The following DAAM2 variants were observed in gnomAD, a reference collection of about 807,000 sequenced individuals.
DAAM2 encodes dishevelled associated activator of morphogenesis 2.
Under a neutral mutation model 120.7 loss-of-function variants are expected in DAAM2, and 39 were observed. The ratio of observed to expected loss-of-function variants is 0.32; its 90% CI spans 0.25 to 0.42. The LOEUF is 0.42. Ranked by LOEUF, DAAM2 falls within the 10% of genes least tolerant of loss-of-function variation. The probability of loss-of-function intolerance (pLI) is 1.00; values close to 1 mark genes in which losing one functional copy is unlikely to be tolerated. For synonymous variants in DAAM2, 488 were observed against 524.9 expected (o/e 0.93, Z 0.96); for missense variants, 1,283 against 1,401.7 (o/e 0.92, Z 1.35).
At position 39,879,299 on chromosome 6, in the gene DAAM2, C is replaced by CCCCCCCCCCCCCTTCCCCCCGGGGG; in HGVS notation, c.1667_1668insCCCCCCCCCCCCTTCCCCCCGGGGG (p.Leu560ProfsTer39). 1 of 1,495,696 alleles carries CCCCCCCCCCCCCTTCCCCCCGGGGG rather than the reference C, an allele frequency of 6.7e-7. No homozygotes were observed. The allele number at this position is 1,495,696 out of a possible 1,614,324, so 92.7% of individuals were successfully genotyped here. On this transcript the variant is annotated frameshift_variant, in exon 14 of 25. Coordinates refer to ENST00000274867, the MANE Select transcript of DAAM2 (RefSeq NM_001201427.2). LOFTEE classifies it high-confidence loss of function. ...CCCTTTGCCTGTTGTCCCCCTCCCC[C>CCCCCCCCCCCCCTTCCCCCCGGGGG]ACCACCACCCCTTCCTCCCGGGGGA...
intron 1 of DAAM2, among the ~76,000 whole-genome samples, chr6:39,844,782 A>G (rs147330777): frequency 4.1e-4 from 63 of 152,140 alleles, no homozygotes; most frequent in Admixed American, 1.6e-3. Context: ...CTGCTCATAT[A>G]CTTTGGGGAG....
chr6:39,884,006 G>A lies in DAAM2; in HGVS notation c.1890G>A (p.Gln630=). The A allele has an allele frequency of 6.2e-7, 1 of 1,613,672 alleles. No individual in the cohort carries two copies. Among genetic ancestry groups the A allele is most frequent in the Non-Finnish European group, 8.5e-7 (1 of 1,179,682 alleles). ...TATGGAATGAGATTGATGACATGCA[G>A]GTATTTCGGATCCTGGACCTAGAGG... ...GTVWNEIDDM[Q]VFRILDLEDF... Residue 630 remains glutamine, a synonymous_variant, in exon 15 of 25, where the codon CAG becomes CAA. Coordinates refer to ENST00000274867, the MANE Select transcript of DAAM2 (RefSeq NM_001201427.2).
intron 19 of DAAM2, among the ~76,000 whole-genome samples, chr6:39,895,227 C>CTTACTTATTTAT (rs375299409): frequency 0.022 from 3,063 of 137,692 alleles, 97 homozygotes; most frequent in African/African-American, 0.086. Context: ...ACTTTATTTA[C>CTTACTTATTTAT]TTATTTATTT....
At chr6:39,893,891 G>A (rs1010115946) in intron 19 of DAAM2, among the ~76,000 whole-genome samples, 7 of 152,168 alleles carry the variant, frequency 4.6e-5, no homozygotes, top group Admixed American at 1.3e-4. Flanking sequence ...ATCCCAGCTA[G>A]GTGTGATGAG....
chr6:39,840,470 T>G (rs1763282909), intron 1 of DAAM2, among the ~76,000 whole-genome samples: 1 of 152,188 alleles, frequency 6.6e-6, no homozygotes, highest in Non-Finnish European at 1.5e-5. Context: ...TAAAGATGCT[T>G]CTCTGTCTTT....
intron 11 of DAAM2, among the ~76,000 whole-genome samples, chr6:39,877,689 C>T (rs1482362717): frequency 2.0e-5 from 3 of 152,216 alleles, no homozygotes. Context: ...AAGAGCTTGG[C>T]ATGAACAAGG....
intron 1 of DAAM2, among the ~76,000 whole-genome samples, chr6:39,801,838 C>T (rs1245587093): frequency 6.6e-6 from 1 of 152,212 alleles, no homozygotes. Flanking sequence ...TTCCTTGTTT[C>T]CTCCCAGACA....
intron 21 of DAAM2, 46 bp from the exon 22 acceptor site, chr6:39,898,831 C>T (rs745437339): frequency 9.2e-6 from 14 of 1,523,016 alleles, no homozygotes; most frequent in East Asian, 4.6e-5. Context: ...CACCTCAAGG[C>T]GGGAGTTGAT....
At chr6:39,858,077 G>C (rs1461325068) in intron 2 of DAAM2, among the ~76,000 whole-genome samples, 1 of 152,002 alleles carries the variant, frequency 6.6e-6, no homozygotes, top group Non-Finnish European at 1.5e-5. Flanking sequence ...TGAGGTTCAG[G>C]ACAATGACAG....
At chr6:39,811,332 C>T (rs1397775870) in intron 1 of DAAM2, among the ~76,000 whole-genome samples, 1 of 152,108 alleles carries the variant, frequency 6.6e-6, no homozygotes, top group Non-Finnish European at 1.5e-5. Context: ...CTCTCTCTGC[C>T]TCCGCCATTG....
At chr6:39,816,258 A>G (rs561117961) in intron 1 of DAAM2, among the ~76,000 whole-genome samples, 1 of 152,334 alleles carries the variant, frequency 6.6e-6, no homozygotes, top group South Asian at 2.1e-4. Flanking sequence ...GAGGTCCCAC[A>G]GTTTGACTGC....
rs1323533612 is a variant in DAAM2 at position 39,878,267 on chromosome 6, G to A, written c.1360+6G>A. On this transcript the variant is annotated splice_donor_region_variant and intron_variant, in intron 12 of 24. Transcript: ENST00000274867. This position sits in a 1 kb window ranked among gnomAD's most constrained non-coding sequence, Gnocchi z 5.0. ...GGCAGAGAAGTTCCGGAAAGGTGAG[G>A]GGCTCTGCTTAAGCCTGCTGTCCAC... The A allele has an allele frequency of 6.2e-7, 1 of 1,613,798 alleles. No homozygotes were observed. The highest frequency in any genetic ancestry group is 1.3e-5 in the African/African-American group (1 of 74,916).
chr6:39,847,968 G>C (rs961176399), intron 1 of DAAM2, among the ~76,000 whole-genome samples: 1 of 152,220 alleles, frequency 6.6e-6, no homozygotes, highest in East Asian at 1.9e-4. Flanking sequence ...GGTTCCCACT[G>C]CACCTTTTTG....
At chr6:39,898,299 C>G (rs917762562) in intron 21 of DAAM2, among the ~76,000 whole-genome samples, 33 of 152,236 alleles carry the variant, frequency 2.2e-4, no homozygotes, top group African/African-American at 7.0e-4. Context: ...GAATAACTCT[C>G]TGGCCACAGG....
Position 39,891,324 on chromosome 6 carries a change from G to A in DAAM2, c.2146-17G>A. The stretch of plus-strand genomic sequence containing the variant: ...TGCTCACCAGTTGCTTGTGTGACTT[G>A]CGCCTGCTCTTTGCAGCTCCTCAAG... On this transcript the variant is annotated splice_polypyrimidine_tract_variant and intron_variant, in intron 17 of 24. Transcript: ENST00000274867. The A allele has an allele frequency of 6.3e-7, 1 of 1,577,748 alleles. No homozygotes were observed. Among genetic ancestry groups the A allele is most frequent in the Admixed American group, 1.8e-5 (1 of 56,218 alleles).
intron 1 of DAAM2, among the ~76,000 whole-genome samples, chr6:39,797,642 T>G (rs1761739353): frequency 6.6e-6 from 1 of 152,176 alleles, no homozygotes; most frequent in African/African-American, 2.4e-5. Context: ...TTCTGTAAGC[T>G]TCCCAGGTGA....
At chr6:39,823,307 C>G (rs79135760) in intron 1 of DAAM2, 2 of 152,204 alleles carry the variant, frequency 1.3e-5, no homozygotes, top group Non-Finnish European at 2.9e-5. Flanking sequence ...ACATCCTCCT[C>G]TCCTGGGGGG....
chr6:39,894,701 A>G (rs1426841304), intron 19 of DAAM2, among the ~76,000 whole-genome samples: 1 of 148,136 alleles, frequency 6.8e-6, no homozygotes, highest in Non-Finnish European at 1.5e-5. Flanking sequence ...GCTCACTGCA[A>G]CCTCTGCCTC....
chr6:39,840,527 T>C (rs556918132), intron 1 of DAAM2, among the ~76,000 whole-genome samples: 1 of 152,250 alleles, frequency 6.6e-6, no homozygotes, highest in South Asian at 2.1e-4. Flanking sequence ...AGGTTAGTTG[T>C]AGGGGAAGTT....
Sources: allele counts gnomAD v4.1 joint callset (sites outside exome capture counted in the v4.1 genomes callset), GRCh38; gene constraint gnomAD v4.1.1; non-coding constraint Gnocchi (gnomAD v3.1); transcripts MANE v1.5; gene names NCBI Gene and HGNC (gene_info 2026-07-23, HGNC 2026-07-21).